MYLK: variants seen among roughly 807,000 people sequenced by gnomAD.
MYLK encodes myosin light chain kinase, also known as myosin light chain kinase, smooth muscle.
MYLK carries 106 observed loss-of-function variants against 203.4 expected under a neutral mutation model. That is an observed-to-expected ratio of 0.52 (90% CI 0.45 to 0.61). The LOEUF (loss-of-function observed/expected upper bound fraction) is 0.61. Among genes scored for constraint, MYLK ranks in the 20% least tolerant of loss-of-function variants. MYLK has a pLI of 0.00. For synonymous variants in MYLK, 867 were observed against 959.5 expected (o/e 0.90, Z 1.78); for missense variants, 2,072 against 2,442.3 (o/e 0.85, Z 3.20).
At position 123,620,277 on chromosome 3, in the gene MYLK, C is replaced by T; in HGVS notation, c.5298G>A (p.Gly1766=). The change falls in exon 32 of 34, where the codon GGG becomes GGA. Residue 1766 remains glycine (G), a synonymous_variant. Transcript: ENST00000360304. Reference sequence around the variant, plus strand: ...CTGTTGAGGATTTCCTGCCACTGAGCCCTGAGATCATTGCCATAGAGGACA... The same window carrying T: ...CTGTTGAGGATTTCCTGCCACTGAGTCCTGAGATCATTGCCATAGAGGACA... ...GRLSSMAMIS[G]LSGRKSSTGS... The T allele has an allele frequency of 4.3e-6, 7 of 1,614,154 alleles. No individual in the cohort carries two copies. Among genetic ancestry groups the T allele is most frequent in the Non-Finnish European group, 5.9e-6 (7 of 1,180,026 alleles).
chr3:123,806,693 G>T (rs1049946324), intron 3 of MYLK, among the ~76,000 whole-genome samples: 2 of 151,980 alleles, frequency 1.3e-5, no homozygotes, highest in African/African-American at 4.8e-5. Flanking sequence ...ATGGAGTCTT[G>T]CTCTTGTCAC....
intron 24 of MYLK, among the ~76,000 whole-genome samples, chr3:123,652,718 A>T (rs909902197): frequency 1.3e-5 from 2 of 152,238 alleles, no homozygotes; most frequent in African/African-American, 4.8e-5. Flanking sequence ...AATTAGGGTA[A>T]GGAGCAGGGA....
At chr3:123,764,293 T>G (rs1012070234) in intron 4 of MYLK, among the ~76,000 whole-genome samples, 5 of 152,078 alleles carry the variant, frequency 3.3e-5, no homozygotes, top group African/African-American at 4.8e-5. Flanking sequence ...TTTTCCTGTA[T>G]GTAAGTGAGG....
At chr3:123,711,586 C>A (rs2108663997) in intron 13 of MYLK, among the ~76,000 whole-genome samples, 1 of 152,334 alleles carries the variant, frequency 6.6e-6, no homozygotes, top group Middle Eastern at 3.4e-3. Flanking sequence ...TCACAGGGAA[C>A]AATCCTGGTG....
intron 19 of MYLK, among the ~76,000 whole-genome samples, chr3:123,688,780 C>T (rs1310181413): frequency 1.3e-5 from 2 of 152,164 alleles, no homozygotes; most frequent in African/African-American, 2.4e-5. Context: ...CCTTGTCCCT[C>T]TTCCTTCCCT....
intron 29 of MYLK, among the ~76,000 whole-genome samples, chr3:123,637,254 C>T (rs1251366252): frequency 6.6e-6 from 1 of 152,196 alleles, no homozygotes; most frequent in African/African-American, 2.4e-5. Flanking sequence ...GGGACTAAAG[C>T]AGCCAGACCC....
chr3:123,700,009 T>C lies in MYLK; in HGVS notation c.3448+11A>G, dbSNP rs780187901. 12 of 1,614,094 alleles carry C rather than the reference T, an allele frequency of 7.4e-6. No homozygotes were observed. Among genetic ancestry groups the C allele is most frequent in the Middle Eastern group, 1.6e-4 (1 of 6,062 alleles). ...GAGGCCCCTTCTTCCCCAACCCCCA[T>C]GCTCATTTACCTTCCTGGGAGAGGA... On this transcript the variant is annotated intron_variant, in intron 18 of 33. Transcript: ENST00000360304.
rs1193261644 is a variant in MYLK, at chr3:123,838,162, A to G, written c.-126-6492T>C. Among the ~76,000 whole-genome samples the G allele has an allele frequency of 2.0e-5, 3 of 152,314 alleles. No individual in the cohort carries two copies. In the East Asian group the frequency reaches 5.8e-4, roughly 29 times the overall value. On this transcript the variant is annotated intron_variant, in intron 2 of 33. Transcript: ENST00000360304. ...AGTGGCTGAAAATCAAAGGGAAAGA[A>G]ACAATCTTAAAGGCAGACAGGGTGA...
rs371207707 is a variant in MYLK, at chr3:123,648,921, C to T, written c.4415+50G>A. The T allele has an allele frequency of 3.9e-6, 6 of 1,520,454 alleles. No homozygotes were observed. The highest frequency in any genetic ancestry group is 4.5e-5 in the East Asian group (2 of 44,410). The allele number at this position is 1,520,454 out of a possible 1,614,324, so 94.2% of individuals were successfully genotyped here. ...AGGCACTGAATCTAACTGTGAGACC[C>T]GCACCACCCTCACCCTGGGAGCCCA... On this transcript the variant is annotated intron_variant, in intron 26 of 33. Transcript: ENST00000360304. This position sits in a 1 kb window ranked among gnomAD's most constrained non-coding sequence, Gnocchi z 4.5.
chr3:123,828,022 T>C (rs1181330195), intron 3 of MYLK, among the ~76,000 whole-genome samples: 2 of 151,694 alleles, frequency 1.3e-5, no homozygotes, highest in Non-Finnish European at 2.9e-5. Context: ...CCTATGCCCA[T>C]GGATCAGAAG....
chr3:123,868,355 A>G (rs750472917), intron 2 of MYLK, among the ~76,000 whole-genome samples: 3 of 152,274 alleles, frequency 2.0e-5, no homozygotes, highest in Non-Finnish European at 4.4e-5. Context: ...AAAGATCATT[A>G]TAACAGTGTT....
chr3:123,814,121 T>A, intron 3 of MYLK: 1 of 356,612 alleles, frequency 2.8e-6, no homozygotes, highest in Non-Finnish European at 5.6e-6. Flanking sequence ...GTGTAGGCAC[T>A]GACCCAGAAG....
intron 3 of MYLK, among the ~76,000 whole-genome samples, chr3:123,797,134 C>T (rs9833433): frequency 0.79 from 119,877 of 152,024 alleles, 49,883 homozygotes; most frequent in East Asian, 0.93. Flanking sequence ...AAAATTATTA[C>T]GGGAAATTTC....
At chr3:123,742,310 T>C (rs2062878213) in intron 5 of MYLK, among the ~76,000 whole-genome samples, 4 of 152,234 alleles carry the variant, frequency 2.6e-5, no homozygotes. Context: ...AAATACATTT[T>C]GTGCAGCATA....
In MYLK at chr3:123,734,128, C is replaced by G; in HGVS notation, c.868G>C (p.Ala290Pro). The G allele has an allele frequency of 6.3e-7, 1 of 1,593,778 alleles. No individual in the cohort carries two copies. The part of the protein sequence containing the change: ...SKESKLDSLE[A>P]AAKSKNCSSP... ...GAGCAGTTCTTGCTTTTGGCTGCAG[C>G]CTCCAGACTGTCCAGCTTCGACTCC... Residue 290 changes from alanine (A) to proline (P), a missense_variant, in exon 10 of 34, where the codon GCT (alanine) becomes CCT (proline). Coordinates refer to ENST00000360304, the MANE Select transcript of MYLK (RefSeq NM_053025.4).
chr3:123,871,361 T>C (rs1222395093), intron 2 of MYLK, among the ~76,000 whole-genome samples: 4 of 152,074 alleles, frequency 2.6e-5, no homozygotes. Context: ...ACAAAAAACA[T>C]TGAGAAAACT....
In MYLK at chr3:123,612,419, G is replaced by T. The variant is rs2057268543; in HGVS notation, c.*1686C>A. 1 of 152,558 alleles carries T rather than the reference G, an allele frequency of 6.6e-6. No individual in the cohort carries two copies. 9.5% of individuals were successfully genotyped at this position (152,558 alleles called of 1,614,324 possible). ...CAAGAGAACATTAACACAATTCCAA[G>T]AAGGCATTAACCTGTAACACACATA... is the stretch of plus-strand genomic sequence containing the variant. On this transcript the variant is annotated 3_prime_UTR_variant, in exon 34 of 34. Transcript: ENST00000360304.
chr3:123,648,616 CT>C lies in MYLK; in HGVS notation c.4415+354del, dbSNP rs1164963790. On this transcript the variant is annotated intron_variant, in intron 26 of 33. Transcript: ENST00000360304. This position sits in a 1 kb window ranked among gnomAD's most constrained non-coding sequence, Gnocchi z 4.5. The stretch of plus-strand genomic sequence containing the variant: ...GCTCAGCATGCATTAGCTCTTCTCC[CT>C]AATGTTCTGCTCCCCGCACCCCCTG... Among the ~76,000 whole-genome samples the C allele has an allele frequency of 1.3e-5, 2 of 152,170 alleles. No homozygotes were observed. The highest frequency in any genetic ancestry group is 2.9e-5 in the Non-Finnish European group (2 of 68,038).
intron 2 of MYLK, among the ~76,000 whole-genome samples, chr3:123,849,152 T>G (rs73201830): frequency 7.6e-4 from 115 of 152,226 alleles, no homozygotes; most frequent in Non-Finnish European, 1.4e-3. Context: ...ATTTTTGTAT[T>G]TTTTGTGGAG....
Sources: allele counts gnomAD v4.1 joint callset (sites outside exome capture counted in the v4.1 genomes callset), GRCh38; gene constraint gnomAD v4.1.1; non-coding constraint Gnocchi (gnomAD v3.1); transcripts MANE v1.5; gene names NCBI Gene and HGNC (gene_info 2026-07-23, HGNC 2026-07-21).